The following PDE1A variants were observed in gnomAD, a reference collection of about 807,000 sequenced individuals.
PDE1A encodes dual specificity calcium/calmodulin-dependent 3',5'-cyclic nucleotide phosphodiesterase 1A.
In PDE1A, 35 loss-of-function variants were observed where a neutral mutation model predicts 61.7. That is an observed-to-expected ratio of 0.57 (90% CI 0.43 to 0.75). The LOEUF (loss-of-function observed/expected upper bound fraction) is 0.75. PDE1A is among the 30% of genes least tolerant of loss of function. The pLI is 0.00. For synonymous variants in PDE1A, 232 were observed against 213.2 expected (o/e 1.09, Z -0.77); for missense variants, 597 against 630.6 (o/e 0.95, Z 0.57).
At chr2:182,370,807 A>C (rs1700087920) in intron 1 of PDE1A, among the ~76,000 whole-genome samples, 1 of 152,188 alleles carries the variant, frequency 6.6e-6, no homozygotes, top group Admixed American at 6.5e-5. Context: ...TTGAAACAGA[A>C]AAGTTATGGG....
the PDE1A span, among the ~76,000 whole-genome samples, chr2:182,652,284 C>T: frequency 6.6e-6 from 1 of 152,118 alleles, no homozygotes. Flanking sequence ...TTCCCTATGA[C>T]CTGTCTAATT....
the PDE1A span, among the ~76,000 whole-genome samples, chr2:182,683,790 A>T: frequency 2.0e-5 from 3 of 152,200 alleles, no homozygotes; most frequent in African/African-American, 7.2e-5. Flanking sequence ...AACAGCATCT[A>T]TTGGTAAGGC....
At chr2:182,219,925 T>TAAC (rs758357479) in intron 7 of PDE1A, among the ~76,000 whole-genome samples, 1 of 152,088 alleles carries the variant, frequency 6.6e-6, no homozygotes, top group Non-Finnish European at 1.5e-5. Flanking sequence ...AACTATTTAA[T>TAAC]AACAACAGAG....
At chr2:182,553,670 A>C in the PDE1A span, among the ~76,000 whole-genome samples, 1 of 152,252 alleles carries the variant, frequency 6.6e-6, no homozygotes, top group Non-Finnish European at 1.5e-5. Flanking sequence ...TGTGAAAAGA[A>C]TGATTAACTT....
At chr2:182,147,783 CAG>C (rs773554384) in intron 13 of PDE1A, among the ~76,000 whole-genome samples, 2 of 152,080 alleles carry the variant, frequency 1.3e-5, no homozygotes, top group South Asian at 2.1e-4. Flanking sequence ...ACAAAATAAA[CAG>C]AAATTAATTT....
the PDE1A span, among the ~76,000 whole-genome samples, chr2:182,529,284 A>C: frequency 6.6e-6 from 1 of 152,236 alleles, no homozygotes; most frequent in African/African-American, 2.4e-5. Context: ...ATGGAGTCAA[A>C]GGAGATCATT....
the PDE1A span, among the ~76,000 whole-genome samples, chr2:182,685,553 C>G: frequency 6.6e-6 from 1 of 152,152 alleles, no homozygotes; most frequent in Non-Finnish European, 1.5e-5. Context: ...AAAATTCAGT[C>G]TACTCATCTA....
At chr2:182,500,592 A>C (rs1200904782) in intron 2 of PDE1A, among the ~76,000 whole-genome samples, 2 of 152,224 alleles carry the variant, frequency 1.3e-5, no homozygotes, top group Non-Finnish European at 2.9e-5. Context: ...GCCTGACACT[A>C]AACTTCAAAT....
the PDE1A span, among the ~76,000 whole-genome samples, chr2:182,696,144 G>A: frequency 1.3e-5 from 2 of 152,238 alleles, no homozygotes; most frequent in African/African-American, 4.8e-5. Context: ...ACTTATGTCC[G>A]CACAAAAACC....
chr2:182,293,444 T>G (rs1694670121), intron 1 of PDE1A, among the ~76,000 whole-genome samples: 1 of 152,116 alleles, frequency 6.6e-6, no homozygotes, highest in Non-Finnish European at 1.5e-5. Context: ...TATATTTTTT[T>G]CCTCTCACCT....
chr2:182,458,759 G>C lies in PDE1A; in HGVS notation c.101+63517C>G, dbSNP rs186497369. 7.9e-5 allele frequency among the ~76,000 whole-genome samples: 12 copies of C among 152,128 alleles called. No individual in the cohort carries two copies. In the East Asian group the frequency reaches 1.9e-3, roughly 25 times the overall value. On this transcript the variant is annotated intron_variant, in intron 2 of 14. Transcript: ENST00000410103. ...AAGAGTTCTTAACAAAGCAAAATGT[G>C]GGGGAGGTCAAAGCTGTAGGCAACC...
chr2:182,260,260 C>T (rs1049301867), intron 2 of PDE1A, among the ~76,000 whole-genome samples: 26 of 152,172 alleles, frequency 1.7e-4, no homozygotes, highest in Non-Finnish European at 3.5e-4. Flanking sequence ...AACAATACCT[C>T]TCTGGAATAC....
At chr2:182,374,555 TAGA>T (rs1312741751) in intron 1 of PDE1A, among the ~76,000 whole-genome samples, 1 of 152,122 alleles carries the variant, frequency 6.6e-6, no homozygotes, top group Non-Finnish European at 1.5e-5. Flanking sequence ...AAGTAAGAAT[TAGA>T]AGAAAAAATT....
intron 2 of PDE1A, among the ~76,000 whole-genome samples, chr2:182,505,567 C>G (rs933114931): frequency 1.3e-5 from 2 of 152,106 alleles, no homozygotes; most frequent in African/African-American, 4.8e-5. Flanking sequence ...CTCACATGTC[C>G]GGTAGTTAAC....
At chr2:182,568,940 AT>A in the PDE1A span, among the ~76,000 whole-genome samples, 1 of 152,058 alleles carries the variant, frequency 6.6e-6, no homozygotes, top group Non-Finnish European at 1.5e-5. Flanking sequence ...ATTGAAAAAA[AT>A]AATAATAATA....
At chr2:182,180,491 A>T (rs1457521880) in intron 13 of PDE1A, among the ~76,000 whole-genome samples, 1 of 152,014 alleles carries the variant, frequency 6.6e-6, no homozygotes, top group East Asian at 1.9e-4. Context: ...AGGTGACCTG[A>T]CCTTTTTCTC....
intron 2 of PDE1A, among the ~76,000 whole-genome samples, chr2:182,492,911 C>T (rs1238149444): frequency 6.6e-6 from 1 of 151,980 alleles, no homozygotes; most frequent in Admixed American, 6.5e-5. Flanking sequence ...CATACTAAAA[C>T]GTGTGGGGAA....
At chr2:182,713,307 G>C in the PDE1A span, among the ~76,000 whole-genome samples, 2 of 152,212 alleles carry the variant, frequency 1.3e-5, no homozygotes, top group Non-Finnish European at 2.9e-5. Flanking sequence ...GCAGAGCTAT[G>C]TCCTTGCTCA....
chr2:182,363,960 A>G (rs1042831878), intron 1 of PDE1A, among the ~76,000 whole-genome samples: 2 of 152,006 alleles, frequency 1.3e-5, no homozygotes, highest in African/African-American at 4.8e-5. Flanking sequence ...ATTGAAAGGT[A>G]TATCATCACC....
Sources: gnomAD v4.1 joint callset for allele counts (sites outside exome capture counted in the v4.1 genomes callset) on GRCh38, gnomAD v4.1.1 for gene constraint, MANE v1.5 for transcripts, NCBI Gene and HGNC (gene_info 2026-07-23, HGNC 2026-07-21) for gene names.